CUX1: variants seen among roughly 807,000 people sequenced by gnomAD.
CUX1 encodes the protein protein CASP.
In CUX1, 31 loss-of-function variants were observed where a neutral mutation model predicts 158.8. The observed-to-expected ratio is 0.20, with a 90% CI of 0.15 to 0.26. CUX1 has a LOEUF of 0.26. Ranked by LOEUF, CUX1 falls within the 10% of genes least tolerant of loss-of-function variation. CUX1 has a pLI of 1.00. For missense variants in CUX1, 1,589 were observed against 2,014.6 expected (o/e 0.79, Z 4.04); for synonymous variants, 879 against 862.1 (o/e 1.02, Z -0.34).
intron 14 of CUX1, among the ~76,000 whole-genome samples, chr7:102,195,914 G>A (rs1474979139): frequency 6.6e-6 from 1 of 152,192 alleles, no homozygotes; most frequent in Non-Finnish European, 1.5e-5. Context: ...ATCTGTGTCT[G>A]GTTGTGCTGC....
intron 9 of CUX1, among the ~76,000 whole-genome samples, chr7:102,162,806 A>C (rs536985886): frequency 3.1e-4 from 47 of 152,224 alleles, no homozygotes; most frequent in African/African-American, 1.1e-3. Flanking sequence ...ATCAGCCACC[A>C]TGCCCAGCCA....
downstream of CUX1, among the ~76,000 whole-genome samples, chr7:102,258,473 G>A (rs983775828): frequency 3.3e-5 from 5 of 152,176 alleles, no homozygotes; most frequent in Non-Finnish European, 5.9e-5. Flanking sequence ...GAAGGGCTTC[G>A]CCAGGGCCTG....
intron 15 of CUX1, among the ~76,000 whole-genome samples, chr7:102,198,073 T>C (rs1276660877): frequency 2.0e-5 from 3 of 152,086 alleles, no homozygotes; most frequent in Non-Finnish European, 4.4e-5. Flanking sequence ...GGGCAACATA[T>C]ATTTTGTAAT....
intron 8 of CUX1, among the ~76,000 whole-genome samples, chr7:102,133,567 C>G (rs1462821093): frequency 1.3e-5 from 2 of 151,028 alleles, no homozygotes; most frequent in Middle Eastern, 3.2e-3. Context: ...CCTCCGCCTC[C>G]CGGGTTCAAG....
Position 102,251,424 on chromosome 7 carries a change from G to A in CUX1, c.*2382G>A, listed in dbSNP as rs782269521. On this transcript the variant is annotated 3_prime_UTR_variant, in exon 24 of 24. Transcript: ENST00000292535. The stretch of plus-strand genomic sequence containing the variant: ...CCTGCAGCTGCAGCACTTAGTTCAC[G>A]TTTTCACAAATTTCAAGAGTCACTA... The A allele has an allele frequency of 1.3e-4, 131 of 985,162 alleles. No homozygotes were observed. The highest frequency in any genetic ancestry group is 1.6e-4 in the African/African-American group (9 of 57,174). The allele number at this position is 985,162 out of a possible 1,614,324, so 61.0% of individuals were successfully genotyped here.
At position 102,252,521 on chromosome 7, in the gene CUX1, A is replaced by C. The variant is rs1429247002; in HGVS notation, c.*3479A>C. On this transcript the variant is annotated 3_prime_UTR_variant, in exon 24 of 24. Coordinates refer to ENST00000292535, the MANE Select transcript of CUX1 (RefSeq NM_181552.4). ...CCATTTTAAATGGCTTCTTTTTGTT[A>C]ATTGGAGGCATTGTTCATAACTTAA... 1 of 985,428 alleles carries C rather than the reference A, an allele frequency of 1.0e-6. No individual in the cohort carries two copies. The highest frequency in any genetic ancestry group is 1.7e-5 in the African/African-American group (1 of 57,354). 61.0% of individuals were successfully genotyped at this position (985,428 alleles called of 1,614,324 possible).
chr7:102,041,994 G>T (rs1822168175), intron 3 of CUX1, among the ~76,000 whole-genome samples: 1 of 152,052 alleles, frequency 6.6e-6, no homozygotes, highest in Non-Finnish European at 1.5e-5. Context: ...GCTTACCAAG[G>T]CCTTATGCTT....
chr7:101,935,325 C>G (rs1025932706), intron 2 of CUX1, among the ~76,000 whole-genome samples: 4 of 152,158 alleles, frequency 2.6e-5, no homozygotes, highest in Admixed American at 2.6e-4. Flanking sequence ...CCCCTTTCTC[C>G]CTTCGCTGAC....
chr7:102,093,587 A>G (rs1828876124), intron 4 of CUX1, among the ~76,000 whole-genome samples: 1 of 152,126 alleles, frequency 6.6e-6, no homozygotes, highest in Non-Finnish European at 1.5e-5. Context: ...CACCCCATAC[A>G]TTGCAGAGCG....
chr7:102,255,534 T>A lies in CUX1; in HGVS notation c.*6492T>A, dbSNP rs918856824. 86 of 985,332 alleles carry A rather than the reference T, an allele frequency of 8.7e-5. No individual in the cohort carries two copies. Among genetic ancestry groups the A allele is most frequent in the Non-Finnish European group, 1.0e-4 (84 of 829,930 alleles). 61.0% of individuals were successfully genotyped at this position (985,332 alleles called of 1,614,324 possible). ...AATCCTTTTAGTTTACCCGATAATG[T>A]TAAGAAAGCATTAGTCTACGTTACT... On this transcript the variant is annotated 3_prime_UTR_variant, in exon 24 of 24. Coordinates refer to ENST00000292535, the MANE Select transcript of CUX1 (RefSeq NM_181552.4).
chr7:102,126,736 A>T (rs979807845), intron 8 of CUX1, among the ~76,000 whole-genome samples: 2 of 152,190 alleles, frequency 1.3e-5, no homozygotes, highest in Non-Finnish European at 2.9e-5. Flanking sequence ...TAATTTTTCC[A>T]TGGACCAGTG....
intron 1 of CUX1, among the ~76,000 whole-genome samples, chr7:101,911,867 G>C (rs1803523817): frequency 6.6e-6 from 1 of 152,244 alleles, no homozygotes. Context: ...CCTGACCCAT[G>C]TGGGTCCTCA....
intron 3 of CUX1, among the ~76,000 whole-genome samples, chr7:102,034,707 C>T (rs111881578): frequency 4.8e-5 from 7 of 145,716 alleles, no homozygotes; most frequent in African/African-American, 1.5e-4. Flanking sequence ...GAGCCGGGAT[C>T]GTGCCACTGC....
At chr7:102,148,441 G>A (rs113657092) in intron 8 of CUX1, among the ~76,000 whole-genome samples, 3 of 152,008 alleles carry the variant, frequency 2.0e-5, no homozygotes, top group South Asian at 4.2e-4. Flanking sequence ...AGGGAGGCTG[G>A]GGCATTCTCA....
At chr7:102,053,159 C>T (rs889794225) in intron 3 of CUX1, among the ~76,000 whole-genome samples, 2 of 152,132 alleles carry the variant, frequency 1.3e-5, no homozygotes, top group African/African-American at 4.8e-5. Context: ...GTTGTGGTAT[C>T]TCATTGTGGT....
At chr7:101,840,990 T>A (rs1470041069) in intron 1 of CUX1, among the ~76,000 whole-genome samples, 1 of 152,016 alleles carries the variant, frequency 6.6e-6, no homozygotes, top group Non-Finnish European at 1.5e-5. Context: ...GCCTCCCGGG[T>A]TCACACCATT....
chr7:102,277,933 G>GCATT, intron 17 of CUX1: 2 of 799,634 alleles, frequency 2.5e-6, no homozygotes, highest in Non-Finnish European at 3.6e-6. Flanking sequence ...CCCTTTCCTT[G>GCATT]CCCCTCCCCC....
intron 4 of CUX1, among the ~76,000 whole-genome samples, chr7:102,092,912 C>CAAAAAAAA (rs60587564): frequency 5.3e-5 from 4 of 74,882 alleles, no homozygotes; most frequent in Non-Finnish European, 7.9e-5. Context: ...GACTCCGTCT[C>CAAAAAAAA]AAAAAAAAAA....
chr7:102,159,207 C>T (rs1451221019), intron 9 of CUX1, among the ~76,000 whole-genome samples: 5 of 151,156 alleles, frequency 3.3e-5, no homozygotes, highest in African/African-American at 4.9e-5. Flanking sequence ...CATCTCACCA[C>T]GGTGTTATCC....
Sources: allele counts gnomAD v4.1 joint callset (sites outside exome capture counted in the v4.1 genomes callset), GRCh38; gene constraint gnomAD v4.1.1; transcripts MANE v1.5; gene names NCBI Gene and HGNC (gene_info 2026-07-23, HGNC 2026-07-21).